Variants in CDH23 observed in about 807,000 individuals in gnomAD.
CDH23 encodes the protein cadherin-23.
Under a neutral mutation model 317.1 loss-of-function variants are expected in CDH23, and 189 were observed. The ratio of observed to expected loss-of-function variants is 0.60; its 90% CI spans 0.53 to 0.67. CDH23 has a LOEUF of 0.67. Ranked by LOEUF, CDH23 falls within the 30% of genes least tolerant of loss-of-function variation. The pLI is 0.00. For synonymous variants in CDH23, 1,839 were observed against 1,876.8 expected (o/e 0.98, Z 0.52); for missense variants, 4,401 against 4,592.4 (o/e 0.96, Z 1.20).
chr10:71,483,961 T>A (rs1337970095), intron 3 of CDH23, among the ~76,000 whole-genome samples: 1 of 152,054 alleles, frequency 6.6e-6, no homozygotes, highest in African/African-American at 2.4e-5. Context: ...CTGCGGAGCC[T>A]TCAAAGGAGG....
chr10:71,418,160 C>T (rs988857820), intron 1 of CDH23, among the ~76,000 whole-genome samples: 1 of 152,076 alleles, frequency 6.6e-6, no homozygotes, highest in African/African-American at 2.4e-5. Context: ...GTAACTGAGT[C>T]ACCTATGGGC....
chr10:71,721,228 T>C (rs1866541325), intron 28 of CDH23, among the ~76,000 whole-genome samples: 1 of 152,152 alleles, frequency 6.6e-6, no homozygotes, highest in South Asian at 2.1e-4. Flanking sequence ...ATCTGGACAA[T>C]TGAAGCACCC....
chr10:71,453,412 C>T (rs1197241235), intron 3 of CDH23, among the ~76,000 whole-genome samples: 2 of 152,248 alleles, frequency 1.3e-5, no homozygotes, highest in Non-Finnish European at 1.5e-5. Flanking sequence ...GGCAACTCCC[C>T]GCAGGAGCAG....
At chr10:71,707,859 C>T (rs1240734627) in intron 26 of CDH23, among the ~76,000 whole-genome samples, 1 of 152,158 alleles carries the variant, frequency 6.6e-6, no homozygotes, top group Admixed American at 6.5e-5. Context: ...CACACACCAG[C>T]CTTCCCAATG....
chr10:71,451,031 A>G (rs1850415265), intron 3 of CDH23, among the ~76,000 whole-genome samples: 1 of 151,856 alleles, frequency 6.6e-6, no homozygotes, highest in South Asian at 2.1e-4. Flanking sequence ...AGCCTTCCCC[A>G]TCTCAGCTGT....
chr10:71,704,536 A>G (rs1265985292), intron 24 of CDH23, among the ~76,000 whole-genome samples: 4 of 152,034 alleles, frequency 2.6e-5, no homozygotes, highest in African/African-American at 7.2e-5. Context: ...ACGTGGTTGA[A>G]CTCCAGATAA....
At chr10:71,807,189 C>A in intron 57 of CDH23, 88 bp from the exon 58 acceptor site, 2 of 1,521,160 alleles carry the variant, frequency 1.3e-6, no homozygotes, top group Non-Finnish European at 1.8e-6. Context: ...TCAGCACCTA[C>A]AAAGTCACTG....
chr10:71,662,951 C>A (rs961387921), intron 14 of CDH23, among the ~76,000 whole-genome samples: 1 of 152,188 alleles, frequency 6.6e-6, no homozygotes, highest in Non-Finnish European at 1.5e-5. Context: ...AGGCTCCAGG[C>A]GTTCAGGGCC....
chr10:71,743,343 C>T (rs1459348627), intron 38 of CDH23, among the ~76,000 whole-genome samples: 1 of 152,218 alleles, frequency 6.6e-6, no homozygotes, highest in African/African-American at 2.4e-5. Flanking sequence ...TCCCCTTTGA[C>T]AGCAGCACTG....
intron 38 of CDH23, 63 bp from the exon 39 acceptor site, chr10:71,777,617 A>G (rs551611215): frequency 5.1e-5 from 74 of 1,457,836 alleles, no homozygotes; most frequent in Non-Finnish European, 6.4e-5. Context: ...GAGAACAGCC[A>G]TCTGGATCCA....
Position 71,792,820 on chromosome 10 carries a change from T to TAAA in CDH23, c.6254-331_6254-329dup, listed in dbSNP as rs1158593304. 6.3e-4 allele frequency among the ~76,000 whole-genome samples: 30 copies of TAAA among 47,890 alleles called. 1 individual carries two copies. Among genetic ancestry groups the TAAA allele is most frequent in the African/African-American group, 1.1e-3 (13 of 12,038 alleles). The allele number at this position is 47,890 out of a possible 152,430, so 31.4% of individuals were successfully genotyped here. ...CTAGGTGACAGTGTAAGACTCCATCTAAAAAAAAAAAAAAAAAAAAAAAAA... is the reference window on the plus strand; with the variant it reads ...CTAGGTGACAGTGTAAGACTCCATCTAAAAAAAAAAAAAAAAAAAAAAAAAAAA... On this transcript the variant is annotated intron_variant, in intron 47 of 69. Coordinates refer to ENST00000224721, the MANE Select transcript of CDH23 (RefSeq NM_022124.6).
intron 9 of CDH23, among the ~76,000 whole-genome samples, chr10:71,584,539 A>AGTGTGTGTGTGTGTGTGT (rs1220273681): frequency 1.8e-5 from 1 of 55,700 alleles, no homozygotes; most frequent in Non-Finnish European, 4.9e-5. Flanking sequence ...TTTGAAGGGA[A>AGTGTGTGTGTGTGTGTGT]GTCTGTGTGT....
chr10:71,570,227 CA>C (rs1000116023), intron 7 of CDH23, among the ~76,000 whole-genome samples: 1 of 152,158 alleles, frequency 6.6e-6, no homozygotes, highest in African/African-American at 2.4e-5. Context: ...AGTAAATCCC[CA>C]GCCCAAAGCA....
rs888705659 is a variant in CDH23, at chr10:71,405,499, G to A, written c.-6+8181G>A. ...CCCGGACTGGAATGAGTACAGTGGT[G>A]CAATCTCGGCTCACTGCAACCGCCA... On this transcript the variant is annotated intron_variant, in intron 1 of 69. Coordinates refer to ENST00000224721, the MANE Select transcript of CDH23 (RefSeq NM_022124.6). 5.3e-5 allele frequency among the ~76,000 whole-genome samples: 8 copies of A among 150,098 alleles called. No homozygotes were observed. In the Admixed American group the frequency reaches 5.3e-4, roughly 10 times the overall value.
chr10:71,777,812 C>T lies in CDH23; in HGVS notation c.4978C>T (p.Leu1660=), dbSNP rs763303805. ...CACCAGCCTCATCACCATCCAGGCA[C>T]TGGACCTGGATGAGGGTCCCAACGG... ...LNTSLITIQA[L]DLDEGPNGTV... is the part of the protein sequence containing the mutation. The change falls in exon 39 of 70, where the codon CTG becomes TTG. Residue 1660 remains leucine (L), a synonymous_variant. Transcript: ENST00000224721. 5.0e-6 allele frequency: 8 copies of T among 1,613,982 alleles called. No homozygotes were observed. Among genetic ancestry groups the T allele is most frequent in the Non-Finnish European group, 6.8e-6 (8 of 1,179,890 alleles).
intron 62 of CDH23, 47 bp from the exon 63 acceptor site, chr10:71,811,268 G>A: frequency 6.2e-7 from 1 of 1,613,130 alleles, no homozygotes; most frequent in Admixed American, 1.7e-5. Context: ...TGTCGGTGGT[G>A]GGGGAATGGC....
intron 6 of CDH23, among the ~76,000 whole-genome samples, chr10:71,534,017 G>A (rs767215351): frequency 9.9e-5 from 15 of 151,912 alleles, no homozygotes; most frequent in Admixed American, 7.9e-4. Context: ...TTTCTTTACC[G>A]ATTTTATGAT....
intron 6 of CDH23, among the ~76,000 whole-genome samples, chr10:71,549,687 G>A (rs898132565): frequency 6.6e-6 from 1 of 152,180 alleles, no homozygotes; most frequent in Non-Finnish European, 1.5e-5. Context: ...GGCAGCCTGC[G>A]GGCCATTTTC....
chr10:71,673,982 G>T (rs1440160695), intron 14 of CDH23, among the ~76,000 whole-genome samples: 2 of 152,170 alleles, frequency 1.3e-5, no homozygotes, highest in Admixed American at 1.3e-4. Context: ...TGGCTGGGGT[G>T]GTGGCGGGGA....
Sources: allele counts gnomAD v4.1 joint callset (sites outside exome capture counted in the v4.1 genomes callset), GRCh38; gene constraint gnomAD v4.1.1; transcripts MANE v1.5; gene names NCBI Gene and HGNC (gene_info 2026-07-23, HGNC 2026-07-21).